Variants in PTGER3 observed in about 807,000 individuals in gnomAD.
The protein encoded by PTGER3 is prostaglandin E2 receptor EP3 subtype.
Under a neutral mutation model 34.7 loss-of-function variants are expected in PTGER3, and 22 were observed. The observed-to-expected ratio is 0.63, with a 90% CI of 0.45 to 0.91. PTGER3 has a LOEUF of 0.91. Among genes scored for constraint, PTGER3 ranks in the 40% least tolerant of loss-of-function variants. The pLI, the probability that PTGER3 is intolerant of heterozygous loss-of-function variation, is 0.00. For missense variants in PTGER3, 468 were observed against 519.4 expected, an observed-to-expected ratio of 0.90 and a Z score of 0.96; for synonymous variants, 241 against 230.1, an observed-to-expected ratio of 1.05 and a Z score of -0.43.
rs114656015 is a variant in PTGER3, at chr1:71,006,463, G to T, written c.1077+5842C>A. 667 of 985,400 alleles carry T rather than the reference G, an allele frequency of 6.8e-4. 4 individuals are homozygous for T. The African/African-American group carries it at 0.011, about 16-fold the overall frequency. The allele number at this position is 985,400 out of a possible 1,614,324, so 61.0% of individuals were successfully genotyped here. A position where few individuals can be genotyped will look rare whatever the true frequency, so the allele number is the denominator to read the frequency against. On this transcript the variant is annotated intron_variant, in intron 2 of 3. Transcript: ENST00000306666. ...AAAACTCAGGCACAAGTCAATTAAA[G>T]GGTTGTACTATGAGCAAGGACAATT... is the stretch of plus-strand genomic sequence containing the variant.
rs193154835 is a variant in PTGER3, at chr1:70,854,981, C to T, written c.*24-2122G>A. On this transcript the variant is annotated intron_variant, in intron 4 of 4. Transcript: ENST00000370931. ...AGAAATCCCACTCTGGGTACATATC[C>T]AGAAGAATTGAAGACAGACTCTTGA... Among the ~76,000 whole-genome samples the T allele has an allele frequency of 1.3e-3, 205 of 152,242 alleles. 2 individuals carry two copies. Among genetic ancestry groups the T allele is most frequent in the African/African-American group, 4.4e-3 (184 of 41,540 alleles).
intron 2 of PTGER3, chr1:71,008,275 T>A: frequency 1.1e-6 from 1 of 907,856 alleles, no homozygotes; most frequent in Middle Eastern, 5.7e-4. Context: ...ATAATTTTTA[T>A]TCTCAGTAAA....
chr1:70,960,445 T>C (rs539615007), intron 2 of PTGER3, among the ~76,000 whole-genome samples: 1 of 152,208 alleles, frequency 6.6e-6, no homozygotes, highest in Admixed American at 6.5e-5. Flanking sequence ...AGCATTGCCT[T>C]GCCCTTCCAA....
chr1:70,939,636 C>A lies in PTGER3; in HGVS notation c.*23+14127G>T, dbSNP rs530256096. On this transcript the variant is annotated intron_variant, in intron 4 of 4. Coordinates refer to the PTGER3 transcript ENST00000370931. ...GCCTTCTGTGCACCCACAGGCTCAA[C>A]ACCACATGGAAGCTGCCAAGGCTTA... Among the ~76,000 whole-genome samples the A allele has an allele frequency of 1.3e-4, 20 of 152,390 alleles. No individual in the cohort carries two copies. The East Asian group carries it at 3.7e-3, about 28-fold the overall frequency.
chr1:70,954,891 G>A lies in PTGER3; in HGVS notation c.1078-1102C>T, dbSNP rs984556230. Among the ~76,000 whole-genome samples, 10 of 152,008 alleles carry A rather than the reference G, an allele frequency of 6.6e-5. No individual in the cohort carries two copies. In the East Asian group the frequency reaches 1.9e-3, roughly 29 times the overall value. On this transcript the variant is annotated intron_variant, in intron 2 of 3. Transcript: ENST00000356595. ...ACTACTGAAAATGAAATTAAAGTAA[G>A]GTATTCTATATTGTCATGTTTTCTG... is the stretch of plus-strand genomic sequence containing the variant.
intron 1 of PTGER3, among the ~76,000 whole-genome samples, chr1:71,017,177 A>G (rs1009996006): frequency 2.6e-5 from 4 of 152,090 alleles, no homozygotes; most frequent in Admixed American, 6.6e-5. Flanking sequence ...CGTGGACCCA[A>G]TGTAAAAACA....
intron 2 of PTGER3, among the ~76,000 whole-genome samples, chr1:71,001,565 C>T (rs1656490970): frequency 6.6e-6 from 1 of 150,740 alleles, no homozygotes; most frequent in Non-Finnish European, 1.5e-5. Flanking sequence ...ATTTTTGTCT[C>T]CTAGAGTTTT....
At chr1:70,946,377 C>CA (rs1277959327) in intron 4 of PTGER3, among the ~76,000 whole-genome samples, 1 of 152,024 alleles carries the variant, frequency 6.6e-6, no homozygotes, top group Non-Finnish European at 1.5e-5. Flanking sequence ...CAAATTTCCC[C>CA]AAATAGATGA....
downstream of PTGER3, among the ~76,000 whole-genome samples, chr1:70,970,426 G>A (rs1201281476): frequency 1.3e-5 from 2 of 152,108 alleles, no homozygotes; most frequent in African/African-American, 4.8e-5. Context: ...TATAGATTTG[G>A]AAGAAAATAG....
chr1:70,954,551 G>T (rs191232113), intron 2 of PTGER3, among the ~76,000 whole-genome samples: 1 of 152,136 alleles, frequency 6.6e-6, no homozygotes, highest in Non-Finnish European at 1.5e-5. Context: ...CTTTGTCATA[G>T]ATGATGGAAC....
intron 4 of PTGER3, among the ~76,000 whole-genome samples, chr1:70,915,989 T>C (rs2100416095): frequency 6.6e-6 from 1 of 152,040 alleles, no homozygotes; most frequent in Non-Finnish European, 1.5e-5. Context: ...ACTGTACATC[T>C]AACTAAGGTC....
chr1:70,915,949 C>T (rs1176285576), intron 4 of PTGER3, among the ~76,000 whole-genome samples: 1 of 151,670 alleles, frequency 6.6e-6, no homozygotes, highest in Non-Finnish European at 1.5e-5. Context: ...AGTAAACAGA[C>T]AACTAGAAAA....
chr1:70,947,471 G>A (rs1452756976), downstream of PTGER3: 2 of 152,674 alleles, frequency 1.3e-5, no homozygotes, highest in African/African-American at 4.8e-5. Flanking sequence ...CAGCCATGTG[G>A]AACTGTAAGT....
At chr1:70,978,930 G>T (rs1469815070) in intron 2 of PTGER3, among the ~76,000 whole-genome samples, 1 of 152,148 alleles carries the variant, frequency 6.6e-6, no homozygotes, top group Non-Finnish European at 1.5e-5. Flanking sequence ...TTGCAGCAAA[G>T]TCCTATCTGG....
At chr1:70,857,161 T>C (rs1436798232) in intron 4 of PTGER3, among the ~76,000 whole-genome samples, 1 of 152,256 alleles carries the variant, frequency 6.6e-6, no homozygotes, top group African/African-American at 2.4e-5. Flanking sequence ...TTTGTTGTTC[T>C]TGATGTTTTA....
intron 1 of PTGER3, among the ~76,000 whole-genome samples, chr1:71,036,314 C>T (rs1451319730): frequency 6.6e-6 from 1 of 152,058 alleles, no homozygotes; most frequent in Non-Finnish European, 1.5e-5. Context: ...GATTTGGCCA[C>T]ATTCACTACA....
downstream of PTGER3, among the ~76,000 whole-genome samples, chr1:70,968,866 GTTAC>G (rs1349489518): frequency 6.6e-6 from 1 of 151,572 alleles, no homozygotes; most frequent in Non-Finnish European, 1.5e-5. Flanking sequence ...TAATTATTTT[GTTAC>G]TTATTACTTT....
chr1:70,989,432 T>C (rs1050946778), intron 2 of PTGER3, among the ~76,000 whole-genome samples: 7 of 152,180 alleles, frequency 4.6e-5, no homozygotes, highest in Admixed American at 4.6e-4. Context: ...AAGGGACTCT[T>C]TTTTGCCTGC....
In PTGER3 at chr1:70,922,419, T is replaced by C. The variant is rs528881512; in HGVS notation, c.*23+31344A>G. 1.6e-4 allele frequency among the ~76,000 whole-genome samples: 25 copies of C among 152,286 alleles called. No homozygotes were observed. The East Asian group carries it at 4.4e-3, about 27-fold the overall frequency. On this transcript the variant is annotated intron_variant, in intron 4 of 4. Transcript: ENST00000370931. ...GAAACATTGTACAATTTAAAGGTGA[T>C]GGGCCTCCTAAATGCTTCATAAAAT... is the stretch of plus-strand genomic sequence containing the variant.
Sources: allele counts gnomAD v4.1 joint callset (sites outside exome capture counted in the v4.1 genomes callset), GRCh38; gene constraint gnomAD v4.1.1; transcripts MANE v1.5; gene names NCBI Gene and HGNC (gene_info 2026-07-23, HGNC 2026-07-21).